The following OSBP2 variants were observed in gnomAD, a reference collection of about 807,000 sequenced individuals.
The protein encoded by OSBP2 is oxysterol-binding protein 2.
In OSBP2, 66 loss-of-function variants were observed where a neutral mutation model predicts 96.0. The ratio of observed to expected loss-of-function variants is 0.69; its 90% CI spans 0.56 to 0.84. The LOEUF is 0.84. OSBP2 is among the 40% of genes least tolerant of loss of function. The pLI, the probability that OSBP2 is intolerant of heterozygous loss-of-function variation, is 0.00. For synonymous variants in OSBP2, 525 were observed against 520.9 expected, an observed-to-expected ratio of 1.01 and a Z score of -0.11; for missense variants, 1,038 against 1,222.7, an observed-to-expected ratio of 0.85 and a Z score of 2.25.
At chr22:30,899,418 A>G (rs1404446741) in intron 12 of OSBP2, among the ~76,000 whole-genome samples, 1 of 151,558 alleles carries the variant, frequency 6.6e-6, no homozygotes, top group African/African-American at 2.4e-5. Context: ...AAAAAAAAAA[A>G]GAAAAAGAAC....
At position 30,906,493 on chromosome 22, in the gene OSBP2, G is replaced by T; in HGVS notation, c.*154G>T. 2.2e-6 allele frequency: 2 copies of T among 928,638 alleles called. No individual in the cohort carries two copies. Among genetic ancestry groups the T allele is most frequent in the Admixed American group, 3.3e-5 (1 of 29,974 alleles). The allele number at this position is 928,638 out of a possible 1,614,324, so 57.5% of individuals were successfully genotyped here. A position where few individuals can be genotyped will look rare whatever the true frequency, so the allele number is the denominator to read the frequency against. On this transcript the variant is annotated 3_prime_UTR_variant, in exon 14 of 14. Coordinates refer to ENST00000332585, the MANE Select transcript of OSBP2 (RefSeq NM_030758.4). ...TTTTTTTCTCCCCACACTTTCTTGGGACTCCCACCTTGGAAGGAGGAAGGG... is the reference window on the plus strand; with the variant it reads ...TTTTTTTCTCCCCACACTTTCTTGGTACTCCCACCTTGGAAGGAGGAAGGG...
At chr22:30,892,679 C>T (rs1427184257) in intron 8 of OSBP2, among the ~76,000 whole-genome samples, 2 of 152,070 alleles carry the variant, frequency 1.3e-5, no homozygotes, top group African/African-American at 4.8e-5. Flanking sequence ...GAGGCAGGGC[C>T]CGACTGCCCC....
At chr22:30,758,766 T>C (rs1255267082) in intron 2 of OSBP2, among the ~76,000 whole-genome samples, 3 of 152,082 alleles carry the variant, frequency 2.0e-5, no homozygotes, top group Non-Finnish European at 2.9e-5. Flanking sequence ...TCCATTTTTC[T>C]CTCACTCTTC....
chr22:30,783,665 C>T (rs996475515), intron 2 of OSBP2, among the ~76,000 whole-genome samples: 4 of 152,068 alleles, frequency 2.6e-5, no homozygotes, highest in Admixed American at 6.6e-5. Flanking sequence ...ACTGCAATAC[C>T]GATAATACTA....
At chr22:30,902,210 C>A in intron 12 of OSBP2, 2 of 1,314,466 alleles carry the variant, frequency 1.5e-6, no homozygotes, top group South Asian at 1.3e-5. Context: ...AGGAGTCGCT[C>A]ACAGAGCCCC....
chr22:30,887,860 G>C (rs556970840), intron 4 of OSBP2, among the ~76,000 whole-genome samples: 8 of 152,338 alleles, frequency 5.3e-5, no homozygotes, highest in African/African-American at 1.9e-4. Flanking sequence ...GCTGTCCCCT[G>C]TGTGACAGGG....
chr22:30,770,073 G>A (rs982312192), intron 2 of OSBP2, among the ~76,000 whole-genome samples: 1 of 148,410 alleles, frequency 6.7e-6, no homozygotes, highest in Non-Finnish European at 1.5e-5. Context: ...ATGTGAATTT[G>A]TTCCTCATTA....
chr22:30,776,680 A>C (rs1219205764), intron 2 of OSBP2, among the ~76,000 whole-genome samples: 1 of 151,962 alleles, frequency 6.6e-6, no homozygotes, highest in Non-Finnish European at 1.5e-5. Flanking sequence ...GGTCAAGTGC[A>C]TGCTTCACAT....
At chr22:30,726,566 C>T (rs941329802) in intron 1 of OSBP2, among the ~76,000 whole-genome samples, 1 of 151,394 alleles carries the variant, frequency 6.6e-6, no homozygotes, top group Non-Finnish European at 1.5e-5. Flanking sequence ...TTGATAGGTG[C>T]AGCAGACCAC....
At chr22:30,848,684 G>A (rs1251459954) in intron 2 of OSBP2, among the ~76,000 whole-genome samples, 1 of 152,084 alleles carries the variant, frequency 6.6e-6, no homozygotes, top group Non-Finnish European at 1.5e-5. Flanking sequence ...CAAACAATAG[G>A]ACGTGTGCCC....
At chr22:30,864,419 C>T (rs560447198) in intron 2 of OSBP2, among the ~76,000 whole-genome samples, 14 of 152,276 alleles carry the variant, frequency 9.2e-5, no homozygotes, top group African/African-American at 2.9e-4. Flanking sequence ...AAAGAAATCC[C>T]GCAATGCGTG....
intron 1 of OSBP2, among the ~76,000 whole-genome samples, chr22:30,713,245 A>G (rs1441453881): frequency 6.6e-6 from 1 of 151,374 alleles, no homozygotes; most frequent in African/African-American, 2.4e-5. Flanking sequence ...CGCCCGGCTA[A>G]TTTTTTCTAT....
chr22:30,746,485 C>CTTTTTTTTT (rs34500140), intron 2 of OSBP2, among the ~76,000 whole-genome samples: 5 of 101,530 alleles, frequency 4.9e-5, no homozygotes, highest in African/African-American at 1.2e-4. Context: ...GGATGAAACA[C>CTTTTTTTTT]TTTTTTTTTT....
intron 12 of OSBP2, among the ~76,000 whole-genome samples, chr22:30,903,757 C>T (rs1252023315): frequency 1.3e-5 from 2 of 152,234 alleles, no homozygotes; most frequent in African/African-American, 4.8e-5. Context: ...CCCCAAATCC[C>T]TGTTGCCTGT....
intron 2 of OSBP2, among the ~76,000 whole-genome samples, chr22:30,858,129 TTGTTTGTTTGTTTGTTTGTTTG>T (rs1292960222): frequency 7.8e-6 from 1 of 128,510 alleles, no homozygotes; most frequent in Non-Finnish European, 1.6e-5. Flanking sequence ...TGTTTTTTTT[TTGTTTGTTTGTTTGTTTGTTTG>T]TTTTTTGAGA....
chr22:30,694,067 A>G, upstream of OSBP2: 1 of 1,515,840 alleles, frequency 6.6e-7, no homozygotes, highest in Non-Finnish European at 8.8e-7. Flanking sequence ...AAAAATGCAC[A>G]GACAGGTAAA....
chr22:30,718,483 A>C (rs2145699534), intron 1 of OSBP2, among the ~76,000 whole-genome samples: 1 of 152,356 alleles, frequency 6.6e-6, no homozygotes, highest in Middle Eastern at 3.4e-3. Context: ...GATATAAAAG[A>C]TGACCTGTAT....
chr22:30,787,355 C>T (rs764389362), intron 2 of OSBP2, among the ~76,000 whole-genome samples: 2 of 151,944 alleles, frequency 1.3e-5, no homozygotes, highest in Non-Finnish European at 2.9e-5. Context: ...CGTCAGATCT[C>T]GTGATAACTT....
intron 2 of OSBP2, among the ~76,000 whole-genome samples, chr22:30,750,228 T>C (rs1044962970): frequency 1.3e-5 from 2 of 152,194 alleles, no homozygotes; most frequent in Admixed American, 6.5e-5. Context: ...CTCTCGTCTA[T>C]GGAATGAACA....
Sources: gnomAD v4.1 joint callset for allele counts (sites outside exome capture counted in the v4.1 genomes callset) on GRCh38, gnomAD v4.1.1 for gene constraint, MANE v1.5 for transcripts, NCBI Gene and HGNC (gene_info 2026-07-23, HGNC 2026-07-21) for gene names.